Variants in UNC13B observed in about 807,000 individuals in gnomAD.
The protein encoded by UNC13B is protein unc-13 homolog B.
Under a neutral mutation model 211.0 loss-of-function variants are expected in UNC13B, and 144 were observed. The ratio of observed to expected loss-of-function variants is 0.68; its 90% CI spans 0.60 to 0.78. UNC13B has a LOEUF of 0.78. UNC13B is among the 30% of genes least tolerant of loss of function. The pLI, the probability that UNC13B is intolerant of heterozygous loss-of-function variation, is 0.00. For synonymous variants in UNC13B, 709 were observed against 725.8 expected (o/e 0.98, Z 0.37); for missense variants, 1,777 against 2,002.0 (o/e 0.89, Z 2.14).
chr9:35,378,243 GT>G, intron 16 of UNC13B, 51 bp from the exon 17 acceptor site: 1 of 1,610,966 alleles, frequency 6.2e-7, no homozygotes, highest in Non-Finnish European at 8.5e-7. Context: ...GAGTAGTGTT[GT>G]GGGGGGCTTC....
At chr9:35,347,260 A>G (rs951062370) in intron 11 of UNC13B, among the ~76,000 whole-genome samples, 1 of 152,242 alleles carries the variant, frequency 6.6e-6, no homozygotes. Context: ...ATCTATATAT[A>G]TCTTTCTCTC....
In UNC13B at chr9:35,398,271, G is replaced by A. The variant is rs770130166; in HGVS notation, c.11815G>A (p.Ala3939Thr). The A allele has an allele frequency of 6.2e-6, 10 of 1,613,826 alleles. No individual in the cohort carries two copies. The highest frequency in any genetic ancestry group is 8.5e-6 in the Non-Finnish European group (10 of 1,179,896). ...LRVQLEKMFE[A>T]MGGKELDLEA... ...GGTCCAGCTGGAGAAAATGTTTGAGGCCATGGGAGGCAAGGAGGTAGGTCT... is the reference window on the plus strand; with the variant it reads ...GGTCCAGCTGGAGAAAATGTTTGAGACCATGGGAGGCAAGGAGGTAGGTCT... Residue 3939 changes from alanine to threonine, a missense_variant, in exon 31 of 40, where the codon GCC (alanine) becomes ACC (threonine). Transcript: ENST00000635942.
intron 1 of UNC13B, among the ~76,000 whole-genome samples, chr9:35,197,684 T>C (rs1444190931): frequency 5.3e-5 from 8 of 152,246 alleles, no homozygotes; most frequent in Middle Eastern, 3.4e-3. Context: ...GGGGGCGGAC[T>C]TCCCCCTTGC....
chr9:35,226,389 C>T (rs898729976), intron 1 of UNC13B, among the ~76,000 whole-genome samples: 6 of 151,942 alleles, frequency 3.9e-5, no homozygotes, highest in African/African-American at 1.2e-4. Context: ...TGTGTGAGTG[C>T]ACATATACAT....
At chr9:35,388,062 G>C (rs570239780) in intron 24 of UNC13B, among the ~76,000 whole-genome samples, 2 of 152,274 alleles carry the variant, frequency 1.3e-5, no homozygotes, top group East Asian at 3.9e-4. Context: ...ATACCACAGA[G>C]AGAATAGAAT....
chr9:35,250,957 C>CTTTTTTTTTTT (rs35077779), intron 6 of UNC13B, among the ~76,000 whole-genome samples: 1 of 77,062 alleles, frequency 1.3e-5, no homozygotes, highest in Non-Finnish European at 2.4e-5. Flanking sequence ...GTTACTCTTC[C>CTTTTTTTTTTT]TTTTTTTTTT....
chr9:35,296,681 A>G (rs1829376362), intron 8 of UNC13B, among the ~76,000 whole-genome samples: 1 of 152,238 alleles, frequency 6.6e-6, no homozygotes, highest in Non-Finnish European at 1.5e-5. Flanking sequence ...GCCTAGATTT[A>G]CCAGTTGTGT....
At chr9:35,171,595 G>A (rs1161172255) in intron 1 of UNC13B, among the ~76,000 whole-genome samples, 1 of 152,026 alleles carries the variant, frequency 6.6e-6, no homozygotes, top group African/African-American at 2.4e-5. Flanking sequence ...TGTAGAGATG[G>A]GTCTCCCTAT....
At chr9:35,203,118 A>T (rs906021146) in intron 1 of UNC13B, among the ~76,000 whole-genome samples, 1 of 152,076 alleles carries the variant, frequency 6.6e-6, no homozygotes, top group African/African-American at 2.4e-5. Context: ...CCAATTTGCC[A>T]GTCTGTGTCT....
chr9:35,402,517 C>T (rs1470821777), intron 37 of UNC13B, among the ~76,000 whole-genome samples: 3 of 152,006 alleles, frequency 2.0e-5, no homozygotes, highest in African/African-American at 4.8e-5. Flanking sequence ...CTCCTGACCT[C>T]GTGATCCCCC....
Position 35,308,356 on chromosome 9 carries a change from G to A in UNC13B, c.8952G>A (p.Leu2984=). 1 of 399,058 alleles carries A rather than the reference G, an allele frequency of 2.5e-6. No individual in the cohort carries two copies. Among genetic ancestry groups the A allele is most frequent in the Non-Finnish European group, 4.4e-6 (1 of 226,096 alleles). 24.7% of individuals were successfully genotyped at this position (399,058 alleles called of 1,614,324 possible). A position where few individuals can be genotyped will look rare whatever the true frequency, so the allele number is the denominator to read the frequency against. Reference sequence around the variant, plus strand: ...TACCTGCCAGTACTGACTCTGATTTGAATGTACAGCAGCCAGTCACTCTGA... The same window carrying A: ...TACCTGCCAGTACTGACTCTGATTTAAATGTACAGCAGCCAGTCACTCTGA... ...EAVPASTDSD[L]NVQQPVTLND... Residue 2984 remains leucine (L), a synonymous_variant, in exon 9 of 40, where the codon TTG becomes TTA. Transcript: ENST00000635942.
chr9:35,361,283 A>G (rs1016331568), intron 11 of UNC13B: 2 of 152,238 alleles, frequency 1.3e-5, no homozygotes, highest in Admixed American at 1.3e-4. Flanking sequence ...TTAACCTGCA[A>G]ACTAAATCTA....
chr9:35,299,705 AT>A (rs889813543), intron 8 of UNC13B, among the ~76,000 whole-genome samples: 47 of 152,182 alleles, frequency 3.1e-4, no homozygotes, highest in Admixed American at 1.3e-3. Flanking sequence ...TCCTTTTCAT[AT>A]TTTTTTAGTC....
intron 31 of UNC13B, 28 bp from the exon 32 acceptor site, chr9:35,398,526 T>C (rs1357845376): frequency 6.2e-7 from 1 of 1,610,760 alleles, no homozygotes; most frequent in Non-Finnish European, 8.5e-7. Context: ...AAAAGCAGCC[T>C]AGCCAGGCTT....
chr9:35,231,396 A>G (rs1163151245), intron 3 of UNC13B, among the ~76,000 whole-genome samples, 177 bp downstream of exon 3: 2 of 152,240 alleles, frequency 1.3e-5, no homozygotes, highest in African/African-American at 4.8e-5. Context: ...TTCATGGTAC[A>G]TGAAGCACAA....
intron 1 of UNC13B, among the ~76,000 whole-genome samples, chr9:35,208,082 A>T (rs1823763759): frequency 6.6e-6 from 1 of 152,202 alleles, no homozygotes; most frequent in South Asian, 2.1e-4. Context: ...CAGCCAGTAG[A>T]TAACTGTCAT....
At chr9:35,172,193 A>T (rs1299451795) in intron 1 of UNC13B, among the ~76,000 whole-genome samples, 3 of 149,146 alleles carry the variant, frequency 2.0e-5, no homozygotes, top group Non-Finnish European at 1.5e-5. Flanking sequence ...TTTTTTTTTT[A>T]AATTGATATG....
rs774079505 is a variant in UNC13B, at chr9:35,302,048, G to A, written c.2644G>A (p.Gly882Arg). Residue 882 changes from glycine (G) to arginine (R), a missense_variant, in exon 9 of 40, where the codon GGA becomes AGA. Coordinates refer to ENST00000635942, the MANE Select transcript of UNC13B (RefSeq NM_001371189.2). ...SEKQQELKEK[G>R]SIFPLFKFSF... ...AAAGCAACAGGAGTTAAAAGAGAAA[G>A]GAAGCATTTTTCCTTTGTTTAAATT... The A allele has an allele frequency of 1.8e-5, 7 of 398,578 alleles. No homozygotes were observed. Among genetic ancestry groups the A allele is most frequent in the Non-Finnish European group, 3.1e-5 (7 of 225,832 alleles). 24.7% of individuals were successfully genotyped at this position (398,578 alleles called of 1,614,324 possible).
At chr9:35,205,621 G>A (rs749036692) in intron 1 of UNC13B, among the ~76,000 whole-genome samples, 13 of 152,166 alleles carry the variant, frequency 8.5e-5, no homozygotes, top group Non-Finnish European at 1.6e-4. Context: ...ACTCATTCTG[G>A]ACATTTTATG....
Sources: gnomAD v4.1 joint callset for allele counts (sites outside exome capture counted in the v4.1 genomes callset) on GRCh38, gnomAD v4.1.1 for gene constraint, MANE v1.5 for transcripts, NCBI Gene and HGNC (gene_info 2026-07-23, HGNC 2026-07-21) for gene names.